CSMD1: variants seen among roughly 807,000 people sequenced by gnomAD.
The protein encoded by CSMD1 is CUB and sushi domain-containing protein 1.
CSMD1 carries 213 observed loss-of-function variants against 417.5 expected under a neutral mutation model. The ratio of observed to expected loss-of-function variants is 0.51; its 90% CI spans 0.46 to 0.57. The LOEUF is 0.57. CSMD1 is among the 20% of genes least tolerant of loss of function. CSMD1 has a pLI of 0.00. For synonymous variants in CSMD1, 2,862 were observed against 1,736.8 expected (o/e 1.65, Z -16.11); for missense variants, 6,923 against 4,529.7 (o/e 1.53, Z -15.17).
chr8:4,377,328 G>C (rs916314056), intron 3 of CSMD1, among the ~76,000 whole-genome samples: 4 of 152,144 alleles, frequency 2.6e-5, no homozygotes, highest in African/African-American at 9.7e-5. Flanking sequence ...CCTTGGTCGG[G>C]GGAGGCTTAG....
At chr8:4,284,828 A>AAAAAC (rs1024041536) in intron 3 of CSMD1, among the ~76,000 whole-genome samples, 3 of 152,186 alleles carry the variant, frequency 2.0e-5, no homozygotes, top group African/African-American at 4.8e-5. Context: ...GGCCGTGTTC[A>AAAAAC]AAAACAAAAC....
intron 59 of CSMD1, among the ~76,000 whole-genome samples, chr8:2,964,295 T>C (rs973432939): frequency 7.9e-5 from 12 of 152,110 alleles, no homozygotes; most frequent in African/African-American, 2.7e-4. Context: ...TGGAAATGGG[T>C]CCTTCCCTCA....
intron 54 of CSMD1, among the ~76,000 whole-genome samples, chr8:2,987,093 A>C (rs1563208891): frequency 6.6e-6 from 1 of 152,096 alleles, no homozygotes; most frequent in South Asian, 2.1e-4. Context: ...CTCCGACTAT[A>C]TTATTTCCAG....
chr8:4,551,160 G>A (rs900890719), intron 2 of CSMD1, among the ~76,000 whole-genome samples: 1 of 152,154 alleles, frequency 6.6e-6, no homozygotes, highest in Non-Finnish European at 1.5e-5. Flanking sequence ...GAGATCCTGT[G>A]TATCTTACCT....
At chr8:3,344,148 G>A (rs1230332179) in intron 22 of CSMD1, among the ~76,000 whole-genome samples, 2 of 152,318 alleles carry the variant, frequency 1.3e-5, no homozygotes, top group Middle Eastern at 3.4e-3. Context: ...AGCCGGGAGA[G>A]GGAAGGTTCA....
At chr8:3,340,151 C>A (rs529431500) in intron 23 of CSMD1, among the ~76,000 whole-genome samples, 1 of 152,168 alleles carries the variant, frequency 6.6e-6, no homozygotes, top group Admixed American at 6.5e-5. Flanking sequence ...ATCAGCAATT[C>A]TGGTATTCAG....
intron 1 of CSMD1, among the ~76,000 whole-genome samples, chr8:4,908,649 G>C (rs574287324): frequency 6.6e-6 from 1 of 151,196 alleles, no homozygotes; most frequent in Admixed American, 6.6e-5. Context: ...CTAGCAATGA[G>C]TCCACCAGAC....
At chr8:4,824,992 C>A (rs955239061) in intron 1 of CSMD1, among the ~76,000 whole-genome samples, 11 of 152,032 alleles carry the variant, frequency 7.2e-5, no homozygotes, top group African/African-American at 2.7e-4. Flanking sequence ...AGTGAGCGAA[C>A]CTGAATGCAC....
chr8:3,284,261 T>C lies in CSMD1; in HGVS notation c.4036A>G (p.Lys1346Glu), dbSNP rs772368619. 1 of 1,613,900 alleles carries C rather than the reference T, an allele frequency of 6.2e-7. No individual in the cohort carries two copies. Among genetic ancestry groups the C allele is most frequent in the East Asian group, 2.2e-5 (1 of 44,868 alleles). Residue 1346 changes from lysine to glutamate, a missense_variant, in exon 26 of 70, where the codon AAG (lysine) becomes GAG (glutamate). Coordinates refer to ENST00000635120, the MANE Select transcript of CSMD1 (RefSeq NM_033225.6). ...DGPVDSDILL[K>E]EWSGSALPED... Reference sequence around the variant, plus strand: ...GGAAGGGCGGAGCCACTCCACTCCTTCAGCAGGATGTCACTGTCCACCGGC... The same window carrying C: ...GGAAGGGCGGAGCCACTCCACTCCTCCAGCAGGATGTCACTGTCCACCGGC...
At chr8:4,680,358 CTTT>C in intron 1 of CSMD1, among the ~76,000 whole-genome samples, 1 of 152,348 alleles carries the variant, frequency 6.6e-6, no homozygotes, top group East Asian at 1.9e-4. Context: ...AACCTCGTAT[CTTT>C]CCCTACTAAT....
At chr8:4,984,631 T>G (rs749727354) in intron 1 of CSMD1, among the ~76,000 whole-genome samples, 2 of 152,094 alleles carry the variant, frequency 1.3e-5, no homozygotes, top group African/African-American at 4.8e-5. Context: ...TAGATTAGGG[T>G]AGTCATAGCC....
chr8:4,347,162 C>T (rs939552797), intron 3 of CSMD1, among the ~76,000 whole-genome samples: 2 of 152,040 alleles, frequency 1.3e-5, no homozygotes, highest in Admixed American at 6.6e-5. Flanking sequence ...CAACTGGGAT[C>T]GGTGTTCAAG....
intron 1 of CSMD1, among the ~76,000 whole-genome samples, chr8:4,648,754 G>T (rs1462866827): frequency 6.6e-6 from 1 of 152,084 alleles, no homozygotes; most frequent in South Asian, 2.1e-4. Context: ...TGGGGATGAG[G>T]GCTACTCCAT....
chr8:4,684,577 T>A (rs1369157572), intron 1 of CSMD1, among the ~76,000 whole-genome samples: 1 of 152,196 alleles, frequency 6.6e-6, no homozygotes, highest in African/African-American at 2.4e-5. Context: ...TCATACTGGG[T>A]GCTTTGGCCC....
At chr8:4,144,874 C>A (rs548774506) in intron 3 of CSMD1, among the ~76,000 whole-genome samples, 1 of 150,812 alleles carries the variant, frequency 6.6e-6, no homozygotes, top group Non-Finnish European at 1.5e-5. Flanking sequence ...CTGGGAGAAG[C>A]TGAAATAGAA....
At chr8:3,782,378 T>G (rs530665676) in intron 5 of CSMD1, among the ~76,000 whole-genome samples, 38 of 152,324 alleles carry the variant, frequency 2.5e-4, no homozygotes, top group Admixed American at 5.9e-4. Flanking sequence ...ATCTTTAACC[T>G]GAATAATCAC....
intron 6 of CSMD1, among the ~76,000 whole-genome samples, chr8:3,752,838 A>G (rs1331666884): frequency 6.6e-6 from 1 of 152,148 alleles, no homozygotes; most frequent in Non-Finnish European, 1.5e-5. Context: ...TCTGCATTTC[A>G]TTCCCCGCAA....
In CSMD1 at chr8:4,318,862, T is replaced by C. The variant is rs966528588; in HGVS notation, c.415+101091A>G. ...ATCATAAAGCATCTTACAAGATAGA[T>C]AACATCAGAGATCTGTCCTAAATGA... is the stretch of plus-strand genomic sequence containing the variant. On this transcript the variant is annotated intron_variant, in intron 3 of 69. Coordinates refer to ENST00000635120, the MANE Select transcript of CSMD1 (RefSeq NM_033225.6). Among the ~76,000 whole-genome samples the C allele has an allele frequency of 1.1e-4, 17 of 152,280 alleles. No homozygotes were observed. The East Asian group carries it at 2.7e-3, about 24-fold the overall frequency.
intron 5 of CSMD1, among the ~76,000 whole-genome samples, chr8:3,804,977 C>T (rs11986100): frequency 0.43 from 64,677 of 151,978 alleles, 14,285 homozygotes; most frequent in African/African-American, 0.54. Flanking sequence ...AGCAATTGTT[C>T]GTTCCACTTT....
Sources: gnomAD v4.1 joint callset for allele counts (sites outside exome capture counted in the v4.1 genomes callset) on GRCh38, gnomAD v4.1.1 for gene constraint, MANE v1.5 for transcripts, NCBI Gene and HGNC (gene_info 2026-07-23, HGNC 2026-07-21) for gene names.